The following SRGAP3 variants were observed in gnomAD, a reference collection of about 807,000 sequenced individuals.
SRGAP3 encodes the protein SLIT-ROBO Rho GTPase-activating protein 3.
A neutral mutation model predicts 121.1 loss-of-function variants in SRGAP3; 39 were observed. That is an observed-to-expected ratio of 0.32 (90% CI 0.25 to 0.42). The LOEUF is 0.42. Ranked by LOEUF, SRGAP3 falls within the 10% of genes least tolerant of loss-of-function variation. SRGAP3 has a pLI of 1.00. For synonymous variants in SRGAP3, 601 were observed against 570.0 expected (o/e 1.05, Z -0.77); for missense variants, 1,213 against 1,470.6 (o/e 0.82, Z 2.86).
intron 3 of SRGAP3, among the ~76,000 whole-genome samples, chr3:9,316,098 G>T (rs886271430): frequency 9.9e-5 from 15 of 151,846 alleles, no homozygotes; most frequent in Non-Finnish European, 2.2e-4. Flanking sequence ...ACCCAGGCTG[G>T]AGTGCAGTGG....
chr3:9,021,629 G>A (rs1943926380), intron 14 of SRGAP3, among the ~76,000 whole-genome samples: 1 of 152,132 alleles, frequency 6.6e-6, no homozygotes, highest in Admixed American at 6.5e-5. Flanking sequence ...GGAGCTCAAG[G>A]AAAAGAAAAC....
chr3:9,246,913 T>C (rs1953847068), intron 1 of SRGAP3, among the ~76,000 whole-genome samples: 1 of 152,148 alleles, frequency 6.6e-6, no homozygotes, highest in African/African-American at 2.4e-5. Flanking sequence ...CTGATAAAAC[T>C]CAGGGTACTC....
Position 8,981,368 on chromosome 3 carries a change from C to T in SRGAP3, c.*4151G>A, listed in dbSNP as rs1218579544. 1 of 232,642 alleles carries T rather than the reference C, an allele frequency of 4.3e-6. No homozygotes were observed. The highest frequency in any genetic ancestry group is 6.1e-5 in the East Asian group (1 of 16,524). 14.4% of individuals were successfully genotyped at this position (232,642 alleles called of 1,614,324 possible). On this transcript the variant is annotated 3_prime_UTR_variant, in exon 22 of 22. Coordinates refer to ENST00000383836, the MANE Select transcript of SRGAP3 (RefSeq NM_014850.4). ...CTCCCAGCCCAGCAGGGGCTAACCC[C>T]ATGGTTGTGAGCCAGCCACTCTTCT...
chr3:9,302,416 C>T (rs565351629), intron 3 of SRGAP3, among the ~76,000 whole-genome samples: 7 of 152,308 alleles, frequency 4.6e-5, no homozygotes, highest in African/African-American at 1.7e-4. Flanking sequence ...GGCAGAGAAG[C>T]ACTTCGCTCT....
At chr3:9,345,200 A>T (rs1174968378) in intron 1 of SRGAP3, among the ~76,000 whole-genome samples, 2 of 152,236 alleles carry the variant, frequency 1.3e-5, no homozygotes, top group African/African-American at 4.8e-5. Context: ...GTTCAAGAAC[A>T]GAAAAGCAGG....
chr3:9,063,191 G>A (rs1161932502), intron 5 of SRGAP3, among the ~76,000 whole-genome samples: 3 of 130,064 alleles, frequency 2.3e-5, no homozygotes, highest in African/African-American at 9.0e-5. Context: ...GGAGTGCAGT[G>A]ATGTGATCAT....
chr3:8,983,317 G>C lies in SRGAP3; in HGVS notation c.*2202C>G, dbSNP rs1941515210. The C allele has an allele frequency of 4.4e-6, 1 of 228,030 alleles. No individual in the cohort carries two copies. Among genetic ancestry groups the C allele is most frequent in the South Asian group, 1.8e-4 (1 of 5,476 alleles). The allele number at this position is 228,030 out of a possible 1,614,324, so 14.1% of individuals were successfully genotyped here. On this transcript the variant is annotated 3_prime_UTR_variant, in exon 22 of 22. Coordinates refer to ENST00000383836, the MANE Select transcript of SRGAP3 (RefSeq NM_014850.4). ...TTCATATCCAGGAGCTAAAGAGAAG[G>C]GTTCATTCTAGGCCAAACAAGGGAG...
At chr3:9,283,537 G>C (rs959493936) in intron 3 of SRGAP3, among the ~76,000 whole-genome samples, 1 of 152,172 alleles carries the variant, frequency 6.6e-6, no homozygotes, top group Admixed American at 6.5e-5. Context: ...CAGGGCAGCA[G>C]ATATTCTAAT....
rs527306412 is a variant in SRGAP3, at chr3:8,984,314, T to C, written c.*1205A>G. ...AACTGGGCGCTCACGGCTCATGCGT[T>C]TCATGCAAGACGGCACCAGCCACAG... is the stretch of plus-strand genomic sequence containing the variant. On this transcript the variant is annotated 3_prime_UTR_variant, in exon 22 of 22. Transcript: ENST00000383836. 4.3e-6 allele frequency: 1 copy of C among 230,520 alleles called. No individual in the cohort carries two copies. Among genetic ancestry groups the C allele is most frequent in the East Asian group, 6.2e-5 (1 of 16,190 alleles). 14.3% of individuals were successfully genotyped at this position (230,520 alleles called of 1,614,324 possible). A position where few individuals can be genotyped will look rare whatever the true frequency, so the allele number is the denominator to read the frequency against.
intron 1 of SRGAP3, among the ~76,000 whole-genome samples, chr3:9,191,474 G>C (rs916156627): frequency 7.9e-5 from 12 of 152,326 alleles, no homozygotes; most frequent in African/African-American, 2.9e-4. Flanking sequence ...GGCACGCATT[G>C]ACAGTGCCTA....
At chr3:9,075,220 A>C (rs908458329) in intron 4 of SRGAP3, among the ~76,000 whole-genome samples, 1 of 151,958 alleles carries the variant, frequency 6.6e-6, no homozygotes, top group African/African-American at 2.4e-5. Flanking sequence ...AACAAGAACT[A>C]TATTGTGTTG....
intron 1 of SRGAP3, among the ~76,000 whole-genome samples, chr3:9,344,132 C>T (rs895354195): frequency 2.0e-5 from 3 of 152,118 alleles, no homozygotes; most frequent in Admixed American, 2.0e-4. Context: ...CCAGCCTGGC[C>T]AACGTGGTGA....
At chr3:9,112,683 C>A (rs1443700729) in intron 2 of SRGAP3, among the ~76,000 whole-genome samples, 1 of 152,194 alleles carries the variant, frequency 6.6e-6, no homozygotes, top group African/African-American at 2.4e-5. Flanking sequence ...ATCACTGAGA[C>A]CTGAGCTGAG....
rs578130879 is a variant in SRGAP3 at position 9,286,642 on chromosome 3, G to A, written n.442+39368C>T. 1.8e-4 allele frequency among the ~76,000 whole-genome samples: 28 copies of A among 151,908 alleles called. 1 individual carries two copies. Among genetic ancestry groups the A allele is most frequent in the African/African-American group, 6.0e-4 (25 of 41,474 alleles). On this transcript the variant is annotated intron_variant and non_coding_transcript_variant, in intron 3 of 3. Transcript: ENST00000490889. ...TTTTGAGACGGAGTCTCGCTCTGTC[G>A]CCCAGGCTGGAGTGCAGTGGCGCGA...
chr3:9,193,703 A>C (rs1377526592), intron 1 of SRGAP3: 2 of 152,424 alleles, frequency 1.3e-5, no homozygotes, highest in African/African-American at 4.8e-5. Context: ...CCTGGGGCTA[A>C]GCTGCACTTT....
At chr3:9,054,491 T>C (rs2125167576) in intron 8 of SRGAP3, among the ~76,000 whole-genome samples, 1 of 152,366 alleles carries the variant, frequency 6.6e-6, no homozygotes, top group Middle Eastern at 3.4e-3. Context: ...CTGCTTCCAG[T>C]TGTCCCACCT....
chr3:9,348,434 C>T (rs1955946208), intron 1 of SRGAP3: 1 of 631,980 alleles, frequency 1.6e-6, no homozygotes. Context: ...GCATCCCCAG[C>T]CCGCCACCAT....
intron 1 of SRGAP3, among the ~76,000 whole-genome samples, chr3:9,221,874 T>A (rs543108469): frequency 2.0e-4 from 30 of 152,316 alleles, no homozygotes; most frequent in African/African-American, 7.0e-4. Flanking sequence ...ACATTGTCAT[T>A]ACTACTATGT....
At chr3:9,115,857 G>A (rs558527944) in intron 2 of SRGAP3, among the ~76,000 whole-genome samples, 2 of 152,094 alleles carry the variant, frequency 1.3e-5, no homozygotes, top group South Asian at 4.2e-4. Context: ...AAAACAGGAT[G>A]GTTTGTTATA....
Sources: gnomAD v4.1 joint callset for allele counts (sites outside exome capture counted in the v4.1 genomes callset) on GRCh38, gnomAD v4.1.1 for gene constraint, MANE v1.5 for transcripts, NCBI Gene and HGNC (gene_info 2026-07-23, HGNC 2026-07-21) for gene names.